TRIM33: variants seen among roughly 807,000 people sequenced by gnomAD.
The protein encoded by TRIM33 is tripartite motif containing 33, also known as E3 ubiquitin-protein ligase TRIM33.
In TRIM33, 20 loss-of-function variants were observed where a neutral mutation model predicts 125.4. That is an observed-to-expected ratio of 0.16 (90% confidence interval 0.11 to 0.23). TRIM33 has a LOEUF of 0.23. Ranked by LOEUF, TRIM33 falls within the 10% of genes least tolerant of loss-of-function variation. TRIM33 has a pLI of 1.00. For synonymous variants in TRIM33, 564 were observed against 513.9 expected, an observed-to-expected ratio of 1.10 and a Z score of -1.32; for missense variants, 920 against 1,411.4, an observed-to-expected ratio of 0.65 and a Z score of 5.58.
At chr1:114,402,684 A>G (rs1283277073) in intron 16 of TRIM33, 76 bp downstream of exon 16, 2 of 1,503,090 alleles carry the variant, frequency 1.3e-6, no homozygotes, top group African/African-American at 2.8e-5. Context: ...TGTATGCTAC[A>G]CAGGAAAAAA....
At chr1:114,420,463 G>A in intron 11 of TRIM33, 5 of 1,323,218 alleles carry the variant, frequency 3.8e-6, no homozygotes, top group South Asian at 1.2e-5. Context: ...TGTGGCAGGT[G>A]TAGAAAGGGA....
chr1:114,417,098 T>C (rs1652981910), intron 11 of TRIM33, among the ~76,000 whole-genome samples: 1 of 152,198 alleles, frequency 6.6e-6, no homozygotes, highest in Non-Finnish European at 1.5e-5. Flanking sequence ...GAAAACATTA[T>C]GCTAAGTAAA....
intron 4 of TRIM33, among the ~76,000 whole-genome samples, chr1:114,447,953 A>G (rs965586253): frequency 6.6e-6 from 1 of 152,232 alleles, no homozygotes; most frequent in Non-Finnish European, 1.5e-5. Context: ...ATGGGACAGG[A>G]GGAATTAGAG....
intron 1 of TRIM33, among the ~76,000 whole-genome samples, chr1:114,505,351 C>T (rs539480836): frequency 5.3e-5 from 8 of 152,078 alleles, no homozygotes; most frequent in Non-Finnish European, 1.0e-4. Context: ...CCAGTTAAGT[C>T]ACACTGAGGC....
intron 9 of TRIM33, among the ~76,000 whole-genome samples, chr1:114,425,201 G>C (rs1647486952): frequency 6.6e-6 from 1 of 152,154 alleles, no homozygotes; most frequent in African/African-American, 2.4e-5. Context: ...TGATGTGAAA[G>C]GATGAGAACT....
chr1:114,397,580 GTTTTTTGTGTTTTTTTT>G lies in TRIM33; in HGVS notation c.*51_*67del, dbSNP rs1651605902. On this transcript the variant is annotated 3_prime_UTR_variant, in exon 20 of 20. Transcript: ENST00000358465. ...CCAGCAACACTTAAAAGTTTTCTGG[GTTTTTTGTGTTTTTTTT>G]TTTTTTTTCGTTTTTTTTTTTTTAA... The G allele has an allele frequency of 1.9e-6, 2 of 1,075,176 alleles. No individual in the cohort carries two copies. Among genetic ancestry groups the G allele is most frequent in the East Asian group, 3.2e-5 (1 of 31,632 alleles). The allele number at this position is 1,075,176 out of a possible 1,614,324, so 66.6% of individuals were successfully genotyped here.
At chr1:114,403,881 C>T (rs1652062418) in intron 15 of TRIM33, among the ~76,000 whole-genome samples, 1 of 151,830 alleles carries the variant, frequency 6.6e-6, no homozygotes. Context: ...CCAGGCTGGT[C>T]TCAAACTCCT....
intron 4 of TRIM33, among the ~76,000 whole-genome samples, chr1:114,458,376 G>C (rs780395442): frequency 1.7e-4 from 26 of 152,132 alleles, no homozygotes; most frequent in Non-Finnish European, 3.4e-4. Context: ...ACTAGTGTTT[G>C]AGATATTTTT....
intron 14 of TRIM33, among the ~76,000 whole-genome samples, chr1:114,406,693 T>C (rs936636774): frequency 2.1e-4 from 32 of 152,338 alleles, no homozygotes; most frequent in Middle Eastern, 6.8e-3. Context: ...GGGAAGAATA[T>C]TGACTAAATA....
At position 114,427,818 on chromosome 1, in the gene TRIM33, T is replaced by C; in HGVS notation, c.1232A>G (p.His411Arg). The change falls in exon 7 of 20, where the codon CAT becomes CGT. Residue 411 changes from histidine to arginine, a missense_variant. Physicochemically the swap from His to Arg is conservative, Grantham distance 29. Coordinates refer to ENST00000358465, the MANE Select transcript of TRIM33 (RefSeq NM_015906.4). ...TGCCCAATTTGTGAAGTTCATAACA[T>C]GCTTCACCTGCCGGGAAAGGCCTGT... ...DITGLSRQVK[H>R]VMNFTNWAIA... The C allele has an allele frequency of 6.2e-7, 1 of 1,613,044 alleles. No homozygotes were observed. The highest frequency in any genetic ancestry group is 8.5e-7 in the Non-Finnish European group (1 of 1,179,476).
intron 4 of TRIM33, among the ~76,000 whole-genome samples, chr1:114,451,209 G>A (rs1425235033): frequency 6.6e-6 from 1 of 151,976 alleles, no homozygotes; most frequent in East Asian, 1.9e-4. Context: ...CCAGAGAATA[G>A]GTCCATTTTT....
chr1:114,437,149 G>T (rs546269522), intron 4 of TRIM33, among the ~76,000 whole-genome samples: 1 of 152,140 alleles, frequency 6.6e-6, no homozygotes, highest in Admixed American at 6.5e-5. Flanking sequence ...ACATTCATGT[G>T]AACAAGAAAC....
chr1:114,502,265 C>G lies in TRIM33; in HGVS notation c.526+8286G>C, dbSNP rs763620797. Among the ~76,000 whole-genome samples, 49 of 152,188 alleles carry G rather than the reference C, an allele frequency of 3.2e-4. 1 individual carries two copies. The highest frequency in any genetic ancestry group is 3.1e-3 in the South Asian group (15 of 4,810). On this transcript the variant is annotated intron_variant, in intron 1 of 19. Transcript: ENST00000358465. Reference sequence around the variant, plus strand: ...ATGATCTGACATTCTTCCTACTGGCCCAAAGACTCTGAGACATTATCATGT... The same window carrying G: ...ATGATCTGACATTCTTCCTACTGGCGCAAAGACTCTGAGACATTATCATGT...
chr1:114,487,975 A>G (rs1651820279), intron 1 of TRIM33, among the ~76,000 whole-genome samples: 1 of 151,586 alleles, frequency 6.6e-6, no homozygotes, highest in South Asian at 2.1e-4. Flanking sequence ...TTCTTAAATC[A>G]TGTGAGAGCT....
chr1:114,470,811 TTTTG>T (rs1650594121), intron 1 of TRIM33, among the ~76,000 whole-genome samples: 1 of 152,210 alleles, frequency 6.6e-6, no homozygotes, highest in Admixed American at 6.5e-5. Flanking sequence ...TTGTGTTTTG[TTTTG>T]TTTGAGATAG....
At chr1:114,431,048 G>A in intron 5 of TRIM33, 136 bp from the exon 6 acceptor site, 1 of 616,510 alleles carries the variant, frequency 1.6e-6, no homozygotes, top group South Asian at 1.9e-5. Context: ...TACAACTCAT[G>A]TTTCAGCAGA....
At chr1:114,410,841 T>C (rs1170584541) in intron 11 of TRIM33, among the ~76,000 whole-genome samples, 4 of 152,090 alleles carry the variant, frequency 2.6e-5, no homozygotes, top group African/African-American at 9.7e-5. Context: ...GGCAGTACGA[T>C]AAAGCCAGAA....
At chr1:114,491,517 G>A (rs1652059293) in intron 1 of TRIM33, among the ~76,000 whole-genome samples, 2 of 152,104 alleles carry the variant, frequency 1.3e-5, no homozygotes, top group Non-Finnish European at 2.9e-5. Context: ...ACATATTGCT[G>A]AGGGCTGGAT....
intron 9 of TRIM33, 119 bp downstream of exon 9, chr1:114,425,329 CT>C (rs1444396577): frequency 1.5e-6 from 2 of 1,323,620 alleles, no homozygotes; most frequent in South Asian, 1.4e-5. Context: ...TAAACTCTGA[CT>C]TTTGAACTCT....
Sources: gnomAD v4.1 joint callset for allele counts (sites outside exome capture counted in the v4.1 genomes callset) on GRCh38, gnomAD v4.1.1 for gene constraint, MANE v1.5 for transcripts, NCBI Gene and HGNC (gene_info 2026-07-23, HGNC 2026-07-21) for gene names.